Variants in ANO10 observed in about 807,000 individuals in gnomAD.
ANO10 encodes anoctamin-10.
A neutral mutation model predicts 74.7 loss-of-function variants in ANO10; 77 were observed. The observed-to-expected ratio is 1.03, with a 90% CI of 0.86 to 1.25. ANO10 has a LOEUF of 1.25. Among genes scored for constraint, ANO10 ranks in the 50% most tolerant of loss-of-function variants. The pLI, the probability that ANO10 is intolerant of heterozygous loss-of-function variation, is 0.00. For missense variants in ANO10, 721 were observed against 778.1 expected (o/e 0.93, Z 0.87); for synonymous variants, 279 against 284.9 (o/e 0.98, Z 0.21).
intron 11 of ANO10, among the ~76,000 whole-genome samples, chr3:43,457,141 C>T (rs928251556): frequency 3.9e-5 from 6 of 152,076 alleles, no homozygotes; most frequent in Admixed American, 2.6e-4. Context: ...AGGGAGGAAA[C>T]TAGATAAAAA....
chr3:43,674,949 T>A (rs1274796483), intron 1 of ANO10, among the ~76,000 whole-genome samples: 1 of 152,176 alleles, frequency 6.6e-6, no homozygotes, highest in African/African-American at 2.4e-5. Flanking sequence ...TCCATCAAAA[T>A]ACCCACTGCA....
At chr3:43,375,858 T>C (rs1298615862) in intron 12 of ANO10, among the ~76,000 whole-genome samples, 1 of 152,228 alleles carries the variant, frequency 6.6e-6, no homozygotes, top group Non-Finnish European at 1.5e-5. Context: ...CATATAATAT[T>C]TTTTGTTTGT....
chr3:43,384,339 A>T (rs570058581), intron 12 of ANO10, among the ~76,000 whole-genome samples: 154 of 152,340 alleles, frequency 1.0e-3, no homozygotes, highest in Non-Finnish European at 1.9e-3. Context: ...ATATTGTGAA[A>T]ATGACCATAC....
intron 1 of ANO10, among the ~76,000 whole-genome samples, chr3:43,652,116 C>CTTT (rs201295611): frequency 1.4e-5 from 2 of 142,066 alleles, no homozygotes; most frequent in African/African-American, 5.1e-5. Context: ...TCTTGGCCGC[C>CTTT]TTTTTTTTTT....
chr3:43,675,191 A>T (rs2084107703), intron 1 of ANO10, among the ~76,000 whole-genome samples: 1 of 152,168 alleles, frequency 6.6e-6, no homozygotes, highest in African/African-American at 2.4e-5. Flanking sequence ...CAAAAACAAA[A>T]CCTCGACCTA....
intron 11 of ANO10, among the ~76,000 whole-genome samples, chr3:43,466,392 C>CAAAAAAAA (rs751455876): frequency 7.9e-4 from 99 of 124,578 alleles, no homozygotes; most frequent in Non-Finnish European, 1.1e-3. Context: ...AAAAAACAAA[C>CAAAAAAAA]AAAAAAACCA....
intron 12 of ANO10, among the ~76,000 whole-genome samples, chr3:43,383,686 T>C (rs929005834): frequency 6.6e-6 from 1 of 152,144 alleles, no homozygotes; most frequent in African/African-American, 2.4e-5. Context: ...CACATGATCA[T>C]CTCAGTAGAT....
chr3:43,632,457 T>A (rs1383389171), intron 1 of ANO10, among the ~76,000 whole-genome samples: 1 of 152,278 alleles, frequency 6.6e-6, no homozygotes, highest in Non-Finnish European at 1.5e-5. Flanking sequence ...TTCCATATAG[T>A]GGAGTAACTG....
intron 11 of ANO10, among the ~76,000 whole-genome samples, chr3:43,536,966 T>C (rs371894588): frequency 9.8e-6 from 1 of 101,674 alleles, no homozygotes; most frequent in African/African-American, 3.9e-5. Flanking sequence ...ACCATCACCA[T>C]AATCAAGATA....
chr3:43,601,620 A>G (rs571608090), intron 2 of ANO10, among the ~76,000 whole-genome samples: 2 of 152,382 alleles, frequency 1.3e-5, no homozygotes, highest in East Asian at 3.9e-4. Flanking sequence ...CTTTTATCAA[A>G]TGGATTAATA....
At chr3:43,485,137 T>C (rs938426733) in intron 11 of ANO10, 4 of 833,966 alleles carry the variant, frequency 4.8e-6, no homozygotes, top group Non-Finnish European at 8.0e-6. Flanking sequence ...GGTGGAGTGA[T>C]CTGGATGGAG....
intron 11 of ANO10, chr3:43,485,131 G>T: frequency 1.2e-6 from 1 of 852,260 alleles, no homozygotes. Flanking sequence ...TCATCTGGTG[G>T]AGTGATCTGG....
chr3:43,675,196 G>A lies in ANO10; in HGVS notation c.-12+16321C>T, dbSNP rs573925285. ...TAAGCAAAAACAAAAACAAAACCTC[G>A]ACCTAAACATCTCACTTCCATAAAA... On this transcript the variant is annotated intron_variant, in intron 1 of 3. Coordinates refer to the ANO10 transcript ENST00000413397. Among the ~76,000 whole-genome samples the A allele has an allele frequency of 6.6e-5, 10 of 152,082 alleles. No individual in the cohort carries two copies. The South Asian group carries it at 1.9e-3, about 28-fold the overall frequency.
chr3:43,558,377 G>T (rs1166488244), intron 9 of ANO10, among the ~76,000 whole-genome samples: 1 of 152,016 alleles, frequency 6.6e-6, no homozygotes, highest in Non-Finnish European at 1.5e-5. Context: ...GATATGAGTG[G>T]GCAGTTCACA....
intron 11 of ANO10, among the ~76,000 whole-genome samples, chr3:43,488,159 A>C (rs1243958598): frequency 6.6e-6 from 1 of 151,022 alleles, no homozygotes; most frequent in Non-Finnish European, 1.5e-5. Context: ...ACCTTATACA[A>C]AAATCAATTC....
intron 1 of ANO10, among the ~76,000 whole-genome samples, chr3:43,648,305 T>C (rs745884574): frequency 6.6e-6 from 1 of 152,164 alleles, no homozygotes; most frequent in Non-Finnish European, 1.5e-5. Flanking sequence ...GTGGCCCTGT[T>C]ACAGGAAAGA....
At chr3:43,659,368 C>A (rs983532378) in intron 1 of ANO10, among the ~76,000 whole-genome samples, 1 of 152,142 alleles carries the variant, frequency 6.6e-6, no homozygotes, top group Non-Finnish European at 1.5e-5. Context: ...CTGTGCTTTT[C>A]CCATGGTCTC....
intron 12 of ANO10, among the ~76,000 whole-genome samples, chr3:43,426,189 C>A (rs2092898040): frequency 6.6e-6 from 1 of 152,114 alleles, no homozygotes; most frequent in Non-Finnish European, 1.5e-5. Flanking sequence ...CTTCTGTCTC[C>A]CTAAAATGCA....
chr3:43,502,128 T>C (rs1197401355), intron 11 of ANO10, among the ~76,000 whole-genome samples: 1 of 152,160 alleles, frequency 6.6e-6, no homozygotes, highest in Admixed American at 6.5e-5. Flanking sequence ...AAAAATAGAA[T>C]TACCATATGA....
Sources: allele counts gnomAD v4.1 joint callset (sites outside exome capture counted in the v4.1 genomes callset), GRCh38; gene constraint gnomAD v4.1.1; transcripts MANE v1.5; gene names NCBI Gene and HGNC (gene_info 2026-07-23, HGNC 2026-07-21).